Variants in CEP89 observed in about 807,000 individuals in gnomAD.
The protein encoded by CEP89 is centrosomal protein of 89 kDa.
In CEP89, 95 loss-of-function variants were observed where a neutral mutation model predicts 97.6. The ratio of observed to expected loss-of-function variants is 0.97; its 90% CI spans 0.82 to 1.15. The LOEUF is 1.15. Among genes scored for constraint, CEP89 ranks in the 50% most tolerant of loss-of-function variants. The pLI, the probability that CEP89 is intolerant of heterozygous loss-of-function variation, is 0.00. For missense variants in CEP89, 869 were observed against 947.7 expected, an observed-to-expected ratio of 0.92 and a Z score of 1.09; for synonymous variants, 354 against 349.1, an observed-to-expected ratio of 1.01 and a Z score of -0.16.
At chr19:32,948,064 T>G (rs923245267) in intron 5 of CEP89, among the ~76,000 whole-genome samples, 1 of 151,752 alleles carries the variant, frequency 6.6e-6, no homozygotes, top group African/African-American at 2.4e-5. Context: ...GCCTTGGCCT[T>G]CCAAAGTGCT....
At position 32,933,209 on chromosome 19, in the gene CEP89, T is replaced by C. The variant is rs550266769; in HGVS notation, c.886+242A>G. Reference sequence around the variant, plus strand: ...TAAGCATCAAGTTCCAAAAGAAGTATTGGAATCTCTGTTTTGTTTTTGTAA... The same window carrying C: ...TAAGCATCAAGTTCCAAAAGAAGTACTGGAATCTCTGTTTTGTTTTTGTAA... On this transcript the variant is annotated intron_variant, in intron 8 of 18. Coordinates refer to ENST00000305768, the MANE Select transcript of CEP89 (RefSeq NM_032816.5). 3.3e-5 allele frequency among the ~76,000 whole-genome samples: 5 copies of C among 152,318 alleles called. No homozygotes were observed. The South Asian group carries it at 8.3e-4, about 25-fold the overall frequency.
intron 17 of CEP89, among the ~76,000 whole-genome samples, chr19:32,886,149 G>A (rs1969390321): frequency 6.6e-6 from 1 of 152,148 alleles, no homozygotes; most frequent in African/African-American, 2.4e-5. Context: ...CTACCTAGTG[G>A]TTCACTTTGG....
chr19:32,930,910 G>A (rs1018335428), intron 9 of CEP89, among the ~76,000 whole-genome samples: 7 of 151,814 alleles, frequency 4.6e-5, no homozygotes, highest in African/African-American at 1.7e-4. Flanking sequence ...TTTTGAGACA[G>A]GGTCTTGCTC....
Position 32,953,688 on chromosome 19 carries a change from A to C in CEP89, c.419T>G (p.Leu140Trp). 6.2e-7 allele frequency: 1 copy of C among 1,613,970 alleles called. No individual in the cohort carries two copies. The stretch of plus-strand genomic sequence containing the variant: ...GTCCTCCCGGGCACTGACATCCCCC[A>C]ATTCCTTGCCGCTGGATGACAGCTG... ...ETQLSSSGKE[L>W]GDVSAREDRG... Residue 140 changes from leucine to tryptophan, a missense_variant, in exon 4 of 19, where the codon TTG (leucine) becomes TGG (tryptophan). Leu to Trp is a moderately conservative substitution (Grantham distance 61, BLOSUM62 -2). Transcript: ENST00000305768.
chr19:32,897,713 C>G (rs1969672909), intron 16 of CEP89, among the ~76,000 whole-genome samples: 1 of 152,116 alleles, frequency 6.6e-6, no homozygotes, highest in African/African-American at 2.4e-5. Flanking sequence ...AGGCATGCAC[C>G]ACTATGCCTG....
At chr19:32,885,988 T>G (rs1255101374) in intron 17 of CEP89, among the ~76,000 whole-genome samples, 2 of 152,172 alleles carry the variant, frequency 1.3e-5, no homozygotes, top group Non-Finnish European at 2.9e-5. Context: ...TCCCTTCTAT[T>G]TCTTCCCTGG....
chr19:32,944,367 C>T (rs1194775696), intron 5 of CEP89, among the ~76,000 whole-genome samples: 1 of 151,958 alleles, frequency 6.6e-6, no homozygotes, highest in Non-Finnish European at 1.5e-5. Context: ...GTGAGTGCTT[C>T]GAAGAGTAAA....
At chr19:32,890,013 A>C (rs1337734038) in intron 16 of CEP89, among the ~76,000 whole-genome samples, 1 of 152,128 alleles carries the variant, frequency 6.6e-6, no homozygotes, top group Non-Finnish European at 1.5e-5. Context: ...GCTGTGTCAA[A>C]GTCAAATTGC....
rs1413047439 is a variant in CEP89, at chr19:32,877,804, C to T, written c.*1358G>A. ...TTTTTTTTTGAGACAAAGTCTCGCT[C>T]TTGTTGCCCAGGCTGCCCAGGCTGG... On this transcript the variant is annotated 3_prime_UTR_variant, in exon 19 of 19. Coordinates refer to ENST00000305768, the MANE Select transcript of CEP89 (RefSeq NM_032816.5). 1.3e-5 allele frequency: 2 copies of T among 151,906 alleles called. No homozygotes were observed. The highest frequency in any genetic ancestry group is 2.4e-5 in the African/African-American group (1 of 41,352). 9.4% of individuals were successfully genotyped at this position (151,906 alleles called of 1,614,324 possible). A position where few individuals can be genotyped will look rare whatever the true frequency, so the allele number is the denominator to read the frequency against.
At chr19:32,923,418 C>A in intron 12 of CEP89, 21 bp downstream of exon 12, 1 of 1,250,352 alleles carries the variant, frequency 8.0e-7, no homozygotes, top group South Asian at 1.3e-5. Context: ...AGCAAAAGAG[C>A]AGAAACACAA....
intron 9 of CEP89, among the ~76,000 whole-genome samples, chr19:32,929,281 T>C (rs998790049): frequency 2.0e-5 from 3 of 152,002 alleles, no homozygotes; most frequent in Non-Finnish European, 4.4e-5. Flanking sequence ...TTAAGAGTGA[T>C]TACAAACAAA....
At chr19:32,961,660 T>C (rs1971171586) in intron 2 of CEP89, among the ~76,000 whole-genome samples, 1 of 151,988 alleles carries the variant, frequency 6.6e-6, no homozygotes, top group Non-Finnish European at 1.5e-5. Flanking sequence ...TGGGGCTTTT[T>C]TTTGAGACGA....
At chr19:32,967,157 T>C (rs1971300977) in intron 1 of CEP89, among the ~76,000 whole-genome samples, 1 of 152,182 alleles carries the variant, frequency 6.6e-6, no homozygotes, top group South Asian at 2.1e-4. Flanking sequence ...CCTGGAACTC[T>C]AGCATTGAGC....
chr19:32,883,442 T>C (rs1255059511), intron 17 of CEP89, among the ~76,000 whole-genome samples: 1 of 152,062 alleles, frequency 6.6e-6, no homozygotes, highest in African/African-American at 2.4e-5. Flanking sequence ...TCACCTGAGT[T>C]CAGGAGTTCG....
intron 16 of CEP89, among the ~76,000 whole-genome samples, chr19:32,892,924 G>T (rs572567167): frequency 6.6e-6 from 1 of 152,194 alleles, no homozygotes; most frequent in South Asian, 2.1e-4. Context: ...ATGAGGAAGA[G>T]AAGGAACTCA....
chr19:32,951,464 C>T (rs1364487575), intron 4 of CEP89, among the ~76,000 whole-genome samples: 4 of 149,744 alleles, frequency 2.7e-5, no homozygotes, highest in Non-Finnish European at 5.9e-5. Context: ...CCAGCCTGGG[C>T]GACAGAGCAA....
chr19:32,920,880 T>A (rs1422692071), intron 12 of CEP89, among the ~76,000 whole-genome samples: 1 of 152,000 alleles, frequency 6.6e-6, no homozygotes, highest in Non-Finnish European at 1.5e-5. Context: ...AAAATTTAGT[T>A]GCACCCCAGA....
chr19:32,926,782 G>A, intron 10 of CEP89, 152 bp downstream of exon 10: 1 of 652,772 alleles, frequency 1.5e-6, no homozygotes, highest in South Asian at 1.9e-5. Flanking sequence ...GGCTGGTCTT[G>A]AACCCTTGAC....
intron 14 of CEP89, among the ~76,000 whole-genome samples, chr19:32,914,881 G>A (rs1171220206): frequency 6.6e-6 from 1 of 151,840 alleles, no homozygotes; most frequent in Non-Finnish European, 1.5e-5. Context: ...AATTAGGCAG[G>A]TGTGGTGAGC....
Sources: allele counts gnomAD v4.1 joint callset (sites outside exome capture counted in the v4.1 genomes callset), GRCh38; gene constraint gnomAD v4.1.1; transcripts MANE v1.5; gene names NCBI Gene and HGNC (gene_info 2026-07-23, HGNC 2026-07-21).